TARS3: variants seen among roughly 807,000 people sequenced by gnomAD.
The protein encoded by TARS3 is threonyl-tRNA synthetase 3.
A neutral mutation model predicts 103.5 loss-of-function variants in TARS3; 94 were observed. That is an observed-to-expected ratio of 0.91 (90% CI 0.77 to 1.08). The LOEUF is 1.08. TARS3 is among the 50% of genes least tolerant of loss of function. The pLI is 0.00. For missense variants in TARS3, 952 were observed against 995.2 expected, an observed-to-expected ratio of 0.96 and a Z score of 0.58; for synonymous variants, 416 against 355.4, an observed-to-expected ratio of 1.17 and a Z score of -1.92.
intron 10 of TARS3, among the ~76,000 whole-genome samples, chr15:101,689,358 T>C (rs377681663): frequency 2.0e-5 from 3 of 152,072 alleles, no homozygotes; most frequent in South Asian, 4.1e-4. Context: ...TCCACTATTA[T>C]TGGTTTAACT....
At chr15:101,673,146 T>C (rs1462110453) in intron 13 of TARS3, among the ~76,000 whole-genome samples, 1 of 152,186 alleles carries the variant, frequency 6.6e-6, no homozygotes, top group Non-Finnish European at 1.5e-5. Context: ...CAGGGTTAGT[T>C]ATTGGAGAGA....
chr15:101,702,250 TC>T lies in TARS3; in HGVS notation c.1209del (p.Lys404ArgfsTer14), dbSNP rs1268999848. 6.2e-7 allele frequency: 1 copy of T among 1,614,208 alleles called. No individual in the cohort carries two copies. Among genetic ancestry groups the T allele is most frequent in the Non-Finnish European group, 8.5e-7 (1 of 1,180,032 alleles). ...GATGTGGGGCATACCTTCCCGATCT[TC>T]CTGTGATCTCGGTTCTTTGCTTCCT... is the stretch of plus-strand genomic sequence containing the variant. ...FQEEAKNRDH[R>X]KIGKEQELFF... On this transcript the variant is annotated frameshift_variant, in exon 9 of 19. Coordinates refer to ENST00000335968, the MANE Select transcript of TARS3 (RefSeq NM_152334.3). LOFTEE classifies it high-confidence loss of function.
intron 4 of TARS3, among the ~76,000 whole-genome samples, chr15:101,714,436 T>G (rs889647726): frequency 6.6e-6 from 1 of 151,598 alleles, no homozygotes; most frequent in Non-Finnish European, 1.5e-5. Context: ...AAACCCTGTC[T>G]CTACAAAAAA....
intron 15 of TARS3, among the ~76,000 whole-genome samples, chr15:101,662,477 A>G (rs1243159476): frequency 6.6e-6 from 1 of 152,216 alleles, no homozygotes; most frequent in Non-Finnish European, 1.5e-5. Flanking sequence ...AAACAAATTT[A>G]ACAAATAAAT....
intron 13 of TARS3, 128 bp downstream of exon 13, chr15:101,675,472 A>G (rs1428592338): frequency 1.2e-6 from 1 of 815,956 alleles, no homozygotes; most frequent in Non-Finnish European, 2.0e-6. Flanking sequence ...CAACCTATAT[A>G]TCTATCTCAT....
chr15:101,675,949 G>A (rs1211728061), intron 12 of TARS3, among the ~76,000 whole-genome samples: 1 of 147,090 alleles, frequency 6.8e-6, no homozygotes, highest in Non-Finnish European at 1.5e-5. Flanking sequence ...CGAGGGAACC[G>A]TACTGTGAAA....
At chr15:101,659,333 T>C (rs1420584843) in intron 16 of TARS3, among the ~76,000 whole-genome samples, 1 of 152,140 alleles carries the variant, frequency 6.6e-6, no homozygotes, top group African/African-American at 2.4e-5. Context: ...CACAAAACAA[T>C]ACATGATAAA....
Position 101,706,578 on chromosome 15 carries a change from C to T in TARS3, c.931-831G>A, listed in dbSNP as rs78441771. On this transcript the variant is annotated intron_variant, in intron 6 of 18. Transcript: ENST00000335968. ...ACTGTTCTAGAAGATCTAATTTTAA[C>T]ATTAATCAATAAAATTCTGACAAGG... is the stretch of plus-strand genomic sequence containing the variant. Among the ~76,000 whole-genome samples, 445 of 152,230 alleles carry T rather than the reference C, an allele frequency of 2.9e-3. 4 individuals carry two copies. Among genetic ancestry groups the T allele is most frequent in the Non-Finnish European group, 4.6e-3 (313 of 68,026 alleles).
At chr15:101,705,797 A>G (rs540670167) in intron 6 of TARS3, 50 bp from the exon 7 acceptor site, 15 of 1,405,470 alleles carry the variant, frequency 1.1e-5, no homozygotes, top group Non-Finnish European at 1.4e-5. Flanking sequence ...GTTGAAATGA[A>G]GAAAACAACT....
chr15:101,697,575 C>T (rs1165450792), intron 10 of TARS3, among the ~76,000 whole-genome samples: 5 of 152,082 alleles, frequency 3.3e-5, no homozygotes, highest in African/African-American at 1.2e-4. Flanking sequence ...CTGCTGGGTT[C>T]AAAAATGAAA....
intron 10 of TARS3, among the ~76,000 whole-genome samples, chr15:101,692,142 G>C (rs1029152679): frequency 6.6e-6 from 1 of 152,196 alleles, no homozygotes; most frequent in African/African-American, 2.4e-5. Context: ...AAGTTCCAAA[G>C]GATTCACAGG....
rs192029161 is a variant in TARS3, at chr15:101,666,243, G to A, written c.1968-4427C>T. 5.3e-5 allele frequency among the ~76,000 whole-genome samples: 8 copies of A among 152,154 alleles called. No homozygotes were observed. In the South Asian group the frequency reaches 8.3e-4, roughly 16 times the overall value. ...TCACGCCTGTAATCTCAGCACTTTG[G>A]GAGGCTGAGGTGGGCGGAGGTAAGG... is the stretch of plus-strand genomic sequence containing the variant. On this transcript the variant is annotated intron_variant, in intron 15 of 18. Transcript: ENST00000335968.
At chr15:101,716,251 A>C (rs1057380472) in intron 3 of TARS3, among the ~76,000 whole-genome samples, 75 of 152,006 alleles carry the variant, frequency 4.9e-4, no homozygotes, top group Admixed American at 4.9e-3. Context: ...TGAGGTGTTG[A>C]TCTCTTTCTT....
At chr15:101,679,496 CGCTG>C (rs917720350) in intron 12 of TARS3, among the ~76,000 whole-genome samples, 1 of 136,160 alleles carries the variant, frequency 7.3e-6, no homozygotes, top group Admixed American at 8.1e-5. Context: ...TCTGTTTCTT[CGCTG>C]ACTTTGTAAT....
chr15:101,708,295 T>C (rs372672262), intron 6 of TARS3, among the ~76,000 whole-genome samples: 3 of 62,896 alleles, frequency 4.8e-5, no homozygotes, highest in Non-Finnish European at 1.0e-4. Flanking sequence ...ACCCAAAAAA[T>C]AAAAAACAAA....
At chr15:101,656,785 T>C (rs1480165402) in intron 18 of TARS3, 137 bp downstream of exon 18, 1 of 616,086 alleles carries the variant, frequency 1.6e-6, no homozygotes, top group East Asian at 2.8e-5. Context: ...AGGAATGCTA[T>C]GGACTCTTCC....
At chr15:101,690,344 A>T (rs1436430154) in intron 10 of TARS3, among the ~76,000 whole-genome samples, 1 of 152,240 alleles carries the variant, frequency 6.6e-6, no homozygotes, top group Non-Finnish European at 1.5e-5. Context: ...ACAATAGTAT[A>T]ATACAACATG....
chr15:101,665,312 C>A (rs1234687614), intron 15 of TARS3, among the ~76,000 whole-genome samples: 1 of 152,174 alleles, frequency 6.6e-6, no homozygotes, highest in African/African-American at 2.4e-5. Context: ...AAAGTGACTG[C>A]AATTACTGCA....
chr15:101,716,969 G>A (rs1900189689), intron 3 of TARS3, among the ~76,000 whole-genome samples: 1 of 149,394 alleles, frequency 6.7e-6, no homozygotes, highest in Non-Finnish European at 1.5e-5. Flanking sequence ...TGATTCTCCT[G>A]ACTCAACCTC....
Sources: gnomAD v4.1 joint callset for allele counts (sites outside exome capture counted in the v4.1 genomes callset) on GRCh38, gnomAD v4.1.1 for gene constraint, MANE v1.5 for transcripts, NCBI Gene and HGNC (gene_info 2026-07-23, HGNC 2026-07-21) for gene names.